The following ACVR2B variants were observed in gnomAD, a reference collection of about 807,000 sequenced individuals.
ACVR2B encodes the protein activin A receptor type 2B, also known as activin receptor type-2B.
A neutral mutation model predicts 65.1 loss-of-function variants in ACVR2B; 18 were observed. That is an observed-to-expected ratio of 0.28 (90% CI 0.19 to 0.41). The LOEUF (loss-of-function observed/expected upper bound fraction) is 0.41. Among genes scored for constraint, ACVR2B ranks in the 10% least tolerant of loss-of-function variants. ACVR2B has a pLI of 1.00. For missense variants in ACVR2B, 482 were observed against 682.7 expected, an observed-to-expected ratio of 0.71 and a Z score of 3.28; for synonymous variants, 298 against 277.7, an observed-to-expected ratio of 1.07 and a Z score of -0.73.
chr3:38,484,494 T>TC lies in ACVR2B; in HGVS notation c.*1166dup, dbSNP rs1218652265. ...TCCGCCCCAGGTGGTGACATTACTG[T>TC]CCCCGTTCTGTGGCTCGTGGACAAG... On this transcript the variant is annotated 3_prime_UTR_variant, in exon 11 of 11. Coordinates refer to ENST00000352511, the MANE Select transcript of ACVR2B (RefSeq NM_001106.4). The TC allele has an allele frequency of 6.6e-6, 1 of 152,214 alleles. No individual in the cohort carries two copies. The highest frequency in any genetic ancestry group is 1.5e-5 in the Non-Finnish European group (1 of 68,042). 9.4% of individuals were successfully genotyped at this position (152,214 alleles called of 1,614,324 possible).
chr3:38,476,795 C>T (rs1258422377), intron 1 of ACVR2B: 1 of 213,598 alleles, frequency 4.7e-6, no homozygotes, highest in Non-Finnish European at 9.5e-6. Context: ...CTGGATTGGG[C>T]CTGGAAATAC....
chr3:38,480,130 A>G (rs966775508), intron 7 of ACVR2B, among the ~76,000 whole-genome samples: 2 of 152,160 alleles, frequency 1.3e-5, no homozygotes, highest in African/African-American at 4.8e-5. Context: ...TACTCTTAAA[A>G]TGACTTTTGT....
At position 38,483,827 on chromosome 3, in the gene ACVR2B, T is replaced by TAA. The variant is rs1710066327; in HGVS notation, c.*495_*496insAA. On this transcript the variant is annotated 3_prime_UTR_variant, in exon 11 of 11. Coordinates refer to ENST00000352511, the MANE Select transcript of ACVR2B (RefSeq NM_001106.4). The surrounding 1 kb of genome is among the most constrained non-coding windows in gnomAD (Gnocchi z 4.8). ...GAGTTTCCTCTGCCCTCTGCCCTTC[T>TAA]CCCCTGCCTCCCTCCCTCCCCTCCT... 6.5e-6 allele frequency: 1 copy of TAA among 153,914 alleles called. No homozygotes were observed. Among genetic ancestry groups the TAA allele is most frequent in the African/African-American group, 2.4e-5 (1 of 41,424 alleles). 9.5% of individuals were successfully genotyped at this position (153,914 alleles called of 1,614,324 possible).
chr3:38,454,370 C>G lies in ACVR2B; in HGVS notation c.48C>G (p.Cys16Trp). The G allele has an allele frequency of 7.8e-7, 1 of 1,274,296 alleles. No individual in the cohort carries two copies. 78.9% of individuals were successfully genotyped at this position (1,274,296 alleles called of 1,614,324 possible). A position where few individuals can be genotyped will look rare whatever the true frequency, so the allele number is the denominator to read the frequency against. ...TCGCCCTCCTCTGGGGATCGCTGTG[C>G]GCCGGTAAGAACTGGGCGCGGCGCG... ...VALALLWGSL[C>W]AGSGRGEAET... Residue 16 changes from cysteine to tryptophan, a missense_variant, in exon 1 of 11, where the codon TGC becomes TGG. By Grantham distance (215) the Cys-to-Trp change is radical (BLOSUM62 -2). Coordinates refer to ENST00000352511, the MANE Select transcript of ACVR2B (RefSeq NM_001106.4).
chr3:38,492,797 C>CACAG lies in ACVR2B; in HGVS notation c.*9468_*9469insGACA, dbSNP rs2059822812. 1.2e-5 allele frequency: 1 copy of CACAG among 80,230 alleles called. No homozygotes were observed. The highest frequency in any genetic ancestry group is 5.8e-4 in the East Asian group (1 of 1,716). The allele number at this position is 80,230 out of a possible 1,614,324, so 5.0% of individuals were successfully genotyped here. A position where few individuals can be genotyped will look rare whatever the true frequency, so the allele number is the denominator to read the frequency against. ...ACACACACACACACACACACACACA[C>CACAG]ACACACATACACCTAAAATGGCCTA... On this transcript the variant is annotated 3_prime_UTR_variant, in exon 11 of 11. Transcript: ENST00000352511.
At chr3:38,480,391 G>A (rs1481109319) in intron 7 of ACVR2B, among the ~76,000 whole-genome samples, 1 of 152,204 alleles carries the variant, frequency 6.6e-6, no homozygotes, top group Non-Finnish European at 1.5e-5. Flanking sequence ...TCACTGTCAT[G>A]CTTACTAAAT....
At position 38,483,011 on chromosome 3, in the gene ACVR2B, CT is replaced by C; in HGVS notation, c.1345-126del. On this transcript the variant is annotated intron_variant, in intron 10 of 10. Transcript: ENST00000352511. This position sits in a 1 kb window ranked among gnomAD's most constrained non-coding sequence, Gnocchi z 4.8. ...CCCCAGGCCTCTGCTGGTGGACCTG[CT>C]GCTGTGGTTGGGGCTGGTGGGCTCT... The C allele has an allele frequency of 9.5e-7, 1 of 1,049,410 alleles. No individual in the cohort carries two copies. The highest frequency in any genetic ancestry group is 1.7e-5 in the Admixed American group (1 of 59,036). 65.0% of individuals were successfully genotyped at this position (1,049,410 alleles called of 1,614,324 possible).
In ACVR2B at chr3:38,477,841, G is replaced by T; in HGVS notation, c.261-20G>T. On this transcript the variant is annotated intron_variant, in intron 2 of 10. Coordinates refer to ENST00000352511, the MANE Select transcript of ACVR2B (RefSeq NM_001106.4). This position sits in a 1 kb window ranked among gnomAD's most constrained non-coding sequence, Gnocchi z 6.7. ...TGCATCCCCCAGGTGAGGGGTATAT[G>T]GAAAATTCTGTGCCTCCAGGCAGGA... The T allele has an allele frequency of 6.2e-7, 1 of 1,613,180 alleles. No individual in the cohort carries two copies. The highest frequency in any genetic ancestry group is 8.5e-7 in the Non-Finnish European group (1 of 1,179,270).
chr3:38,455,091 G>A (rs1173846983), intron 1 of ACVR2B, among the ~76,000 whole-genome samples: 1 of 152,170 alleles, frequency 6.6e-6, no homozygotes, highest in Non-Finnish European at 1.5e-5. Context: ...GGTGACCAGC[G>A]CTCAGCTCGC....
chr3:38,461,206 C>T (rs1038915408), intron 1 of ACVR2B, among the ~76,000 whole-genome samples: 6 of 152,200 alleles, frequency 3.9e-5, no homozygotes, highest in African/African-American at 1.4e-4. Flanking sequence ...CCTCCCCCTC[C>T]CCTCCAACTG....
At position 38,490,528 on chromosome 3, in the gene ACVR2B, T is replaced by C. The variant is rs1010257702; in HGVS notation, c.*7196T>C. On this transcript the variant is annotated 3_prime_UTR_variant, in exon 11 of 11. Coordinates refer to ENST00000352511, the MANE Select transcript of ACVR2B (RefSeq NM_001106.4). The stretch of plus-strand genomic sequence containing the variant: ...CCAGCCACGTGTCTTGGAATGTAAT[T>C]CTGTTGTGCCTTTGTTTTTATCACT... 6.6e-6 allele frequency: 1 copy of C among 152,628 alleles called. No individual in the cohort carries two copies. The highest frequency in any genetic ancestry group is 1.5e-5 in the Non-Finnish European group (1 of 68,034). The allele number at this position is 152,628 out of a possible 1,614,324, so 9.5% of individuals were successfully genotyped here.
At chr3:38,461,251 A>G (rs1709641475) in intron 1 of ACVR2B, among the ~76,000 whole-genome samples, 1 of 151,994 alleles carries the variant, frequency 6.6e-6, no homozygotes. Context: ...AGCATGCATG[A>G]GTTTTCCCAG....
At position 38,478,226 on chromosome 3, in the gene ACVR2B, C is replaced by T. The variant is rs949119789; in HGVS notation, c.456C>T (p.Ile152=). ...SLLPIGGLSL[I]VLLAFWMYRH... ...TGCCCATCGGGGGCCTTTCCCTCAT[C>T]GTCCTGCTGGCCTTTTGGATGTACC... The change falls in exon 4 of 11, where the codon ATC becomes ATT. Residue 152 remains isoleucine, a synonymous_variant. Coordinates refer to ENST00000352511, the MANE Select transcript of ACVR2B (RefSeq NM_001106.4). 7 of 1,614,166 alleles carry T rather than the reference C, an allele frequency of 4.3e-6. No individual in the cohort carries two copies. The highest frequency in any genetic ancestry group is 2.2e-5 in the East Asian group (1 of 44,870).
intron 1 of ACVR2B, chr3:38,475,319 C>T (rs1709889107): frequency 6.6e-6 from 1 of 152,230 alleles, no homozygotes; most frequent in South Asian, 2.1e-4. Flanking sequence ...TCTCTGTGGA[C>T]CCTGAGGCCC....
intron 1 of ACVR2B, among the ~76,000 whole-genome samples, chr3:38,461,435 G>T (rs1192061892): frequency 1.3e-5 from 2 of 152,084 alleles, no homozygotes; most frequent in African/African-American, 4.8e-5. Flanking sequence ...ATCTGCTCTG[G>T]GCCTTAGAAA....
chr3:38,473,025 T>C lies in ACVR2B; in HGVS notation c.53-4262T>C, dbSNP rs114210152. On this transcript the variant is annotated intron_variant, in intron 1 of 10. Transcript: ENST00000352511. ...GTGCAGTCTGCATGTACTGTGTGTG[T>C]GTATGTGCATGTACTGTGTGTTTGT... Among the ~76,000 whole-genome samples, 726 of 152,246 alleles carry C rather than the reference T, an allele frequency of 4.8e-3. 5 individuals carry two copies. Among genetic ancestry groups the C allele is most frequent in the African/African-American group, 0.017 (693 of 41,556 alleles).
rs576284228 is a variant in ACVR2B at position 38,477,432 on chromosome 3, C to T, written c.198C>T (p.Ser66=). Reference sequence around the variant, plus strand: ...ACTGCTACGCCTCCTGGCGCAACAGCTCTGGCACCATCGAGCTCGTGAAGA... The same window carrying T: ...ACTGCTACGCCTCCTGGCGCAACAGTTCTGGCACCATCGAGCTCGTGAAGA... ...RLHCYASWRN[S]SGTIELVKKG... The change falls in exon 2 of 11, where the codon AGC becomes AGT. Residue 66 remains serine (S), a synonymous_variant. Coordinates refer to ENST00000352511, the MANE Select transcript of ACVR2B (RefSeq NM_001106.4). The surrounding 1 kb of genome is among the most constrained non-coding windows in gnomAD (Gnocchi z 6.7). 4.3e-6 allele frequency: 7 copies of T among 1,614,208 alleles called. No homozygotes were observed. The African/African-American group carries it at 6.7e-5, about 15-fold the overall frequency.
In ACVR2B at chr3:38,481,436, G is replaced by C; in HGVS notation, c.1045G>C (p.Gly349Arg). 8.1e-6 allele frequency: 13 copies of C among 1,614,206 alleles called. No homozygotes were observed. The highest frequency in any genetic ancestry group is 1.1e-5 in the Non-Finnish European group (13 of 1,180,020). Residue 349 changes from glycine (G) to arginine (R), a missense_variant, in exon 8 of 11, where the codon GGG (glycine) becomes CGG (arginine). Gly to Arg is a moderately radical substitution (Grantham distance 125). Transcript: ENST00000352511. The surrounding 1 kb of genome is among the most constrained non-coding windows in gnomAD (Gnocchi z 4.7). ...TGGCTTGGCTGTTCGATTTGAGCCA[G>C]GGAAACCTCCAGGGGACACCCACGG... ...DFGLAVRFEP[G>R]KPPGDTHGQV...
At position 38,477,273 on chromosome 3, in the gene ACVR2B, T is replaced by C. The variant is rs1709927804; in HGVS notation, c.53-14T>C. The C allele has an allele frequency of 1.2e-6, 2 of 1,613,802 alleles. No individual in the cohort carries two copies. The highest frequency in any genetic ancestry group is 1.3e-5 in the African/African-American group (1 of 74,988). Reference sequence around the variant, plus strand: ...AGGGGCATGCTCAGTGGTTCTCTTTTCTCTGGGGCACAGGCTCTGGGCGTG... The same window carrying C: ...AGGGGCATGCTCAGTGGTTCTCTTTCCTCTGGGGCACAGGCTCTGGGCGTG... On this transcript the variant is annotated splice_polypyrimidine_tract_variant and intron_variant, in intron 1 of 10. Transcript: ENST00000352511. The surrounding 1 kb of genome is among the most constrained non-coding windows in gnomAD (Gnocchi z 6.7).
Sources: allele counts gnomAD v4.1 joint callset (sites outside exome capture counted in the v4.1 genomes callset), GRCh38; gene constraint gnomAD v4.1.1; non-coding constraint Gnocchi (gnomAD v3.1); transcripts MANE v1.5; gene names NCBI Gene and HGNC (gene_info 2026-07-23, HGNC 2026-07-21).